The following LRP12 variants were observed in gnomAD, a reference collection of about 807,000 sequenced individuals.
LRP12 encodes the protein low-density lipoprotein receptor-related protein 12.
In LRP12, 14 loss-of-function variants were observed where a neutral mutation model predicts 66.0. The ratio of observed to expected loss-of-function variants is 0.21; its 90% CI spans 0.14 to 0.33. LRP12 has a LOEUF of 0.33. LRP12 is among the 10% of genes least tolerant of loss of function. LRP12 has a pLI of 1.00. For missense variants in LRP12, 889 were observed against 1,053.4 expected, an observed-to-expected ratio of 0.84 and a Z score of 2.16; for synonymous variants, 357 against 359.1, an observed-to-expected ratio of 0.99 and a Z score of 0.07.
rs1051849249 is a variant in LRP12, at chr8:104,496,908, G to A, written c.1580+64C>T. The A allele has an allele frequency of 1.4e-5, 19 of 1,406,360 alleles. 2 individuals carry two copies. The Admixed American group carries it at 3.8e-4, about 28-fold the overall frequency. 87.1% of individuals were successfully genotyped at this position (1,406,360 alleles called of 1,614,324 possible). On this transcript the variant is annotated intron_variant, in intron 5 of 6. Coordinates refer to ENST00000276654, the MANE Select transcript of LRP12 (RefSeq NM_013437.5). ...CAAAAATACATTGCTAATCATCAAAGAACTTGTTTCAAACACTTGGGCCTG... is the reference window on the plus strand; with the variant it reads ...CAAAAATACATTGCTAATCATCAAAAAACTTGTTTCAAACACTTGGGCCTG...
intron 3 of LRP12, chr8:104,506,152 A>C (rs1810903069): frequency 6.6e-6 from 1 of 152,234 alleles, no homozygotes; most frequent in African/African-American, 2.4e-5. Flanking sequence ...CAAATATTAA[A>C]AAATATCTGA....
At position 104,588,985 on chromosome 8, in the gene LRP12, C is replaced by CCGCCGCCGCCGCCGCCGA. The variant is rs2140906365; in HGVS notation, c.-89_-88insTCGGCGGCGGCGGCGGCG. 1.1e-6 allele frequency: 1 copy of CCGCCGCCGCCGCCGCCGA among 894,740 alleles called. No individual in the cohort carries two copies. The highest frequency in any genetic ancestry group is 1.7e-5 in the South Asian group (1 of 57,686). 55.4% of individuals were successfully genotyped at this position (894,740 alleles called of 1,614,324 possible). Reference sequence around the variant, plus strand: ...GACGACGCCGACGCCGCCGCCGCCGCCGCCGCCGCCGCCGAGCCACCGGCT... The same window carrying CCGCCGCCGCCGCCGCCGA: ...GACGACGCCGACGCCGCCGCCGCCGCCGCCGCCGCCGCCGCCGACGCCGCCGCCGCCGAGCCACCGGCT... On this transcript the variant is annotated 5_prime_UTR_variant, in exon 1 of 7. Transcript: ENST00000276654.
chr8:104,532,323 A>G (rs935380327), intron 1 of LRP12, among the ~76,000 whole-genome samples: 1 of 151,846 alleles, frequency 6.6e-6, no homozygotes, highest in African/African-American at 2.4e-5. Flanking sequence ...GCGTGTCCAA[A>G]TCAGCCACAA....
intron 2 of LRP12, among the ~76,000 whole-genome samples, chr8:104,530,901 GA>G: frequency 6.6e-6 from 1 of 152,176 alleles, no homozygotes; most frequent in South Asian, 2.1e-4. Context: ...TTAAAAAAGT[GA>G]AACAAACTAT....
intron 6 of LRP12, 102 bp downstream of exon 6, chr8:104,494,975 T>A (rs368273811): frequency 2.9e-6 from 3 of 1,039,136 alleles, no homozygotes; most frequent in African/African-American, 3.2e-5. Context: ...AAATCCTTGA[T>A]TGCAAAAATT....
chr8:104,496,529 T>C (rs1810729965), intron 5 of LRP12, among the ~76,000 whole-genome samples: 1 of 152,240 alleles, frequency 6.6e-6, no homozygotes, highest in African/African-American at 2.4e-5. Context: ...TATACTTTTG[T>C]CATCTTATTC....
At chr8:104,537,958 T>A (rs947996931) in intron 1 of LRP12, among the ~76,000 whole-genome samples, 1 of 152,150 alleles carries the variant, frequency 6.6e-6, no homozygotes. Context: ...TTCCTCATCA[T>A]CCTGACAAAA....
At chr8:104,555,352 C>G (rs1811789451) in intron 1 of LRP12, among the ~76,000 whole-genome samples, 1 of 152,074 alleles carries the variant, frequency 6.6e-6, no homozygotes, top group African/African-American at 2.4e-5. Flanking sequence ...GGCCTAAATC[C>G]TCCACTTAGA....
At position 104,566,393 on chromosome 8, in the gene LRP12, G is replaced by C. The variant is rs955720674; in HGVS notation, c.79+22426C>G. The stretch of plus-strand genomic sequence containing the variant: ...CAGTGAAAACCATGGGAGCCTTAGG[G>C]GAAGAGCCTCCTGCCAATCAGTGGA... On this transcript the variant is annotated intron_variant, in intron 1 of 6. Transcript: ENST00000276654. 5.4e-5 allele frequency: 14 copies of C among 260,532 alleles called. No homozygotes were observed. The Admixed American group carries it at 5.7e-4, about 11-fold the overall frequency. 16.1% of individuals were successfully genotyped at this position (260,532 alleles called of 1,614,324 possible). A position where few individuals can be genotyped will look rare whatever the true frequency, so the allele number is the denominator to read the frequency against.
chr8:104,555,567 G>A (rs904279436), intron 1 of LRP12, among the ~76,000 whole-genome samples: 1 of 151,896 alleles, frequency 6.6e-6, no homozygotes, highest in Non-Finnish European at 1.5e-5. Flanking sequence ...AACACAAAGA[G>A]GGACATTATA....
intron 6 of LRP12, among the ~76,000 whole-genome samples, chr8:104,493,164 G>A (rs1015589418): frequency 1.3e-5 from 2 of 152,160 alleles, no homozygotes; most frequent in African/African-American, 4.8e-5. Flanking sequence ...GGGATCTCAC[G>A]AATGTTCTAG....
chr8:104,588,329 G>A (rs999062539), intron 1 of LRP12, among the ~76,000 whole-genome samples: 4 of 152,208 alleles, frequency 2.6e-5, no homozygotes, highest in Non-Finnish European at 5.9e-5. Flanking sequence ...AGCCTTTTCA[G>A]GGAATCGAGT....
At chr8:104,515,470 T>G (rs1481312600) in intron 2 of LRP12, among the ~76,000 whole-genome samples, 2 of 152,240 alleles carry the variant, frequency 1.3e-5, no homozygotes, top group South Asian at 2.1e-4. Context: ...CTTTCTTTAT[T>G]GCAAAATGTG....
At chr8:104,584,854 T>C (rs1410643075) in intron 1 of LRP12, among the ~76,000 whole-genome samples, 1 of 152,268 alleles carries the variant, frequency 6.6e-6, no homozygotes, top group African/African-American at 2.4e-5. Flanking sequence ...TTTTCCCTCA[T>C]GTTCCAGTTA....
intron 2 of LRP12, among the ~76,000 whole-genome samples, chr8:104,512,180 G>C (rs1278846786): frequency 7.9e-5 from 12 of 152,162 alleles, no homozygotes. Flanking sequence ...AGCTGGGTGT[G>C]GTGGCGTGCA....
At chr8:104,543,289 GGTCTCTGTT>G (rs1485829483) in intron 1 of LRP12, among the ~76,000 whole-genome samples, 1 of 151,904 alleles carries the variant, frequency 6.6e-6, no homozygotes, top group Admixed American at 6.6e-5. Context: ...GGTCACTTTA[GGTCTCTGTT>G]GTCACATTTT....
intron 1 of LRP12, chr8:104,566,200 G>T: frequency 1.5e-6 from 1 of 685,080 alleles, no homozygotes; most frequent in South Asian, 2.1e-5. Context: ...GCAAATCCCT[G>T]AAAATGCAGC....
At chr8:104,515,533 CTT>C (rs1408569685) in intron 2 of LRP12, among the ~76,000 whole-genome samples, 1 of 152,106 alleles carries the variant, frequency 6.6e-6, no homozygotes, top group Non-Finnish European at 1.5e-5. Context: ...ATTAAGCTAT[CTT>C]GGGAAGGTGC....
At chr8:104,555,453 T>C in intron 1 of LRP12, among the ~76,000 whole-genome samples, 1 of 152,084 alleles carries the variant, frequency 6.6e-6, no homozygotes, top group Non-Finnish European at 1.5e-5. Context: ...CTCACAAAGA[T>C]ATTCCATGCA....
Sources: gnomAD v4.1 joint callset for allele counts (sites outside exome capture counted in the v4.1 genomes callset) on GRCh38, gnomAD v4.1.1 for gene constraint, MANE v1.5 for transcripts, NCBI Gene and HGNC (gene_info 2026-07-23, HGNC 2026-07-21) for gene names.